Variants in CPNE4 observed in about 807,000 individuals in gnomAD.
The protein encoded by CPNE4 is copine-4.
In CPNE4, 25 loss-of-function variants were observed where a neutral mutation model predicts 67.9. That is an observed-to-expected ratio of 0.37 (90% CI 0.27 to 0.51). The LOEUF is 0.51. Among genes scored for constraint, CPNE4 ranks in the 20% least tolerant of loss-of-function variants. The pLI, the probability that CPNE4 is intolerant of heterozygous loss-of-function variation, is 0.93. For missense variants in CPNE4, 464 were observed against 690.8 expected (o/e 0.67, Z 3.68); for synonymous variants, 242 against 244.9 (o/e 0.99, Z 0.11).
intron 1 of CPNE4, among the ~76,000 whole-genome samples, chr3:132,027,802 A>C (rs1325381000): frequency 7.2e-6 from 1 of 138,764 alleles, no homozygotes; most frequent in Admixed American, 7.1e-5. Context: ...GGCTACTAAC[A>C]TCTTAAAAGC....
At chr3:131,812,824 T>C (rs1468650543) in intron 2 of CPNE4, among the ~76,000 whole-genome samples, 1 of 152,152 alleles carries the variant, frequency 6.6e-6, no homozygotes, top group Non-Finnish European at 1.5e-5. Flanking sequence ...GGGAGAATAT[T>C]TAATGTCTTC....
intron 7 of CPNE4, among the ~76,000 whole-genome samples, chr3:131,649,729 G>C (rs2079759573): frequency 6.6e-6 from 1 of 152,134 alleles, no homozygotes; most frequent in Non-Finnish European, 1.5e-5. Flanking sequence ...AGGGCTAAAA[G>C]AGTGCATAAG....
intron 7 of CPNE4, 62 bp from the exon 8 acceptor site, chr3:131,587,644 C>T (rs1938274826): frequency 8.3e-7 from 1 of 1,198,848 alleles, no homozygotes; most frequent in African/African-American, 1.5e-5. Context: ...CAGCTGAAGG[C>T]AATGTTAACT....
chr3:131,567,581 C>T (rs1937124005), intron 10 of CPNE4, among the ~76,000 whole-genome samples: 1 of 151,970 alleles, frequency 6.6e-6, no homozygotes, highest in South Asian at 2.1e-4. Context: ...ACCTCCAATA[C>T]TGACCCTACT....
intron 9 of CPNE4, among the ~76,000 whole-genome samples, chr3:131,580,441 CATATACATATACAT>C (rs1937743723): frequency 6.0e-5 from 5 of 84,006 alleles, no homozygotes; most frequent in East Asian, 2.6e-4. Flanking sequence ...TATACATATA[CATATACATATACAT>C]ATACACATAT....
chr3:131,767,482 T>C (rs1288285158), intron 2 of CPNE4, among the ~76,000 whole-genome samples: 1 of 152,048 alleles, frequency 6.6e-6, no homozygotes, highest in Non-Finnish European at 1.5e-5. Context: ...TGGCATCTTT[T>C]CATATTAATA....
intron 1 of CPNE4, among the ~76,000 whole-genome samples, chr3:131,952,671 C>A (rs1320884907): frequency 6.7e-6 from 1 of 149,492 alleles, no homozygotes; most frequent in East Asian, 2.1e-4. Context: ...GTGAGGGGCG[C>A]CTCTGCCCGG....
chr3:131,549,027 G>T (rs1936026151), intron 14 of CPNE4, among the ~76,000 whole-genome samples: 1 of 152,014 alleles, frequency 6.6e-6, no homozygotes, highest in African/African-American at 2.4e-5. Flanking sequence ...CAGTACAAAG[G>T]GAAGTAGAAA....
intron 7 of CPNE4, among the ~76,000 whole-genome samples, chr3:131,646,522 C>A (rs2079669087): frequency 6.6e-6 from 1 of 152,144 alleles, no homozygotes; most frequent in Non-Finnish European, 1.5e-5. Context: ...ACACATGTTG[C>A]AGGGCTAAAT....
At chr3:131,600,581 C>T (rs1401370268) in intron 7 of CPNE4, among the ~76,000 whole-genome samples, 1 of 152,130 alleles carries the variant, frequency 6.6e-6, no homozygotes, top group Non-Finnish European at 1.5e-5. Context: ...AGTTTGTGCA[C>T]AGTCATCCGC....
intron 1 of CPNE4, among the ~76,000 whole-genome samples, chr3:131,940,543 AAAAT>A (rs2107855237): frequency 6.6e-6 from 1 of 152,254 alleles, no homozygotes; most frequent in Non-Finnish European, 1.5e-5. Flanking sequence ...CTTATAGTTG[AAAAT>A]AAATAAAACA....
At chr3:131,572,580 G>A (rs1559919479) in intron 10 of CPNE4, among the ~76,000 whole-genome samples, 1 of 152,030 alleles carries the variant, frequency 6.6e-6, no homozygotes, top group Non-Finnish European at 1.5e-5. Context: ...TGCTTCCTGG[G>A]GCACAGAAGG....
intron 7 of CPNE4, among the ~76,000 whole-genome samples, chr3:131,623,895 C>T (rs543589573): frequency 9.2e-4 from 140 of 152,284 alleles, no homozygotes; most frequent in Non-Finnish European, 1.1e-3. Flanking sequence ...TTTATTCATT[C>T]AATCGGTAAT....
intron 1 of CPNE4, among the ~76,000 whole-genome samples, chr3:131,978,075 AT>A (rs2072722085): frequency 2.8e-5 from 1 of 35,106 alleles, no homozygotes; most frequent in South Asian, 7.1e-4. Flanking sequence ...ATAAATATAT[AT>A]AAATATATAT....
chr3:131,979,575 T>C (rs539781087), intron 1 of CPNE4, among the ~76,000 whole-genome samples: 1 of 152,286 alleles, frequency 6.6e-6, no homozygotes, highest in South Asian at 2.1e-4. Flanking sequence ...TGTGAGGCCT[T>C]ATATGTTAGG....
intron 5 of CPNE4, among the ~76,000 whole-genome samples, chr3:131,692,377 G>A (rs1311375570): frequency 1.3e-5 from 2 of 152,112 alleles, no homozygotes. Context: ...CATAATAGAT[G>A]CTCAATAATT....
At chr3:131,776,292 G>C (rs1259702250) in intron 2 of CPNE4, among the ~76,000 whole-genome samples, 3 of 130,958 alleles carry the variant, frequency 2.3e-5, no homozygotes, top group African/African-American at 7.6e-5. Flanking sequence ...CTTCTCATAG[G>C]TCAGGAAGCC....
chr3:132,015,465 T>C (rs750497615), intron 1 of CPNE4, among the ~76,000 whole-genome samples: 2 of 152,040 alleles, frequency 1.3e-5, no homozygotes, highest in African/African-American at 2.4e-5. Flanking sequence ...TCAACTGCTG[T>C]CCTTAGAAGG....
intron 14 of CPNE4, among the ~76,000 whole-genome samples, chr3:131,543,960 G>A (rs1254641177): frequency 6.6e-6 from 1 of 152,176 alleles, no homozygotes; most frequent in African/African-American, 2.4e-5. Flanking sequence ...CAGCAGAGAT[G>A]GGAATTGGAG....
Sources: gnomAD v4.1 joint callset for allele counts (sites outside exome capture counted in the v4.1 genomes callset) on GRCh38, gnomAD v4.1.1 for gene constraint, MANE v1.5 for transcripts, NCBI Gene and HGNC (gene_info 2026-07-23, HGNC 2026-07-21) for gene names.